The following SSBP2 variants were observed in gnomAD, a reference collection of about 807,000 sequenced individuals.
SSBP2 encodes single-stranded DNA-binding protein 2.
A neutral mutation model predicts 61.8 loss-of-function variants in SSBP2; 17 were observed. The ratio of observed to expected loss-of-function variants is 0.28; its 90% CI spans 0.19 to 0.41. The LOEUF is 0.41. Among genes scored for constraint, SSBP2 ranks in the 10% least tolerant of loss-of-function variants. The probability of loss-of-function intolerance (pLI) is 1.00; values close to 1 mark genes in which losing one functional copy is unlikely to be tolerated. For synonymous variants in SSBP2, 139 were observed against 141.3 expected (o/e 0.98, Z 0.12); for missense variants, 310 against 458.7 (o/e 0.68, Z 2.96).
chr5:81,534,042 T>C lies in SSBP2; in HGVS notation c.283-20325A>G, dbSNP rs777206908. On this transcript the variant is annotated intron_variant, in intron 4 of 16. Transcript: ENST00000320672. ...AAACTAACCGGAGCCTCACCTGCTA[T>C]GGTTTTATCAGAGCCTAACTGCCTA... Among the ~76,000 whole-genome samples, 188 of 152,236 alleles carry C rather than the reference T, an allele frequency of 1.2e-3. 2 individuals are homozygous for C. The highest frequency in any genetic ancestry group is 4.3e-4 in the Non-Finnish European group (29 of 67,992).
At chr5:81,583,985 T>C (rs182086249) in intron 4 of SSBP2, among the ~76,000 whole-genome samples, 9 of 152,372 alleles carry the variant, frequency 5.9e-5, no homozygotes, top group Non-Finnish European at 1.3e-4. Context: ...CAACAGTTTC[T>C]GTATTCAAAA....
intron 8 of SSBP2, among the ~76,000 whole-genome samples, chr5:81,467,368 T>C (rs145818801): frequency 1.3e-3 from 194 of 152,100 alleles, no homozygotes; most frequent in African/African-American, 4.4e-3. Flanking sequence ...ATGAAACATA[T>C]CATAAATCCA....
chr5:81,550,467 T>C (rs1315425922), intron 4 of SSBP2, among the ~76,000 whole-genome samples: 1 of 152,232 alleles, frequency 6.6e-6, no homozygotes, highest in Non-Finnish European at 1.5e-5. Flanking sequence ...AAAGTAATTT[T>C]ATTAATGAGA....
chr5:81,635,075 T>C (rs1170496494), intron 3 of SSBP2, among the ~76,000 whole-genome samples: 2 of 152,202 alleles, frequency 1.3e-5, no homozygotes, highest in Non-Finnish European at 2.9e-5. Flanking sequence ...GAGTAAGTAT[T>C]TGTTGAGAGA....
chr5:81,421,222 C>CA (rs1761585472), intron 16 of SSBP2, among the ~76,000 whole-genome samples: 1 of 152,182 alleles, frequency 6.6e-6, no homozygotes, highest in African/African-American at 2.4e-5. Context: ...AACAGGGTCT[C>CA]ACTCTGTCAC....
At chr5:81,557,876 G>C (rs1561537737) in intron 4 of SSBP2, among the ~76,000 whole-genome samples, 1 of 152,098 alleles carries the variant, frequency 6.6e-6, no homozygotes, top group Non-Finnish European at 1.5e-5. Context: ...GCAATGTCTG[G>C]TAATGTCTGA....
At chr5:81,440,716 A>C (rs1287995193) in intron 13 of SSBP2, 80 bp from the exon 14 acceptor site, 1 of 1,001,162 alleles carries the variant, frequency 1.0e-6, no homozygotes, top group Non-Finnish European at 1.5e-6. Flanking sequence ...ATTTAACATT[A>C]CAAGACACTG....
At chr5:81,432,401 T>C (rs1294367243) in intron 15 of SSBP2, among the ~76,000 whole-genome samples, 1 of 152,178 alleles carries the variant, frequency 6.6e-6, no homozygotes, top group Non-Finnish European at 1.5e-5. Flanking sequence ...GAAATATAAA[T>C]GTGAGATATG....
chr5:81,446,411 T>C (rs930900153), intron 12 of SSBP2, among the ~76,000 whole-genome samples: 1 of 150,798 alleles, frequency 6.6e-6, no homozygotes, highest in African/African-American at 2.5e-5. Context: ...TAATAAATAC[T>C]TATAGACATG....
chr5:81,428,300 A>C (rs1762078839), intron 16 of SSBP2, among the ~76,000 whole-genome samples: 1 of 152,188 alleles, frequency 6.6e-6, no homozygotes, highest in Non-Finnish European at 1.5e-5. Flanking sequence ...AAAACTTATA[A>C]AAAGTATCAA....
intron 5 of SSBP2, among the ~76,000 whole-genome samples, chr5:81,513,415 A>G (rs762387884): frequency 2.0e-5 from 3 of 152,226 alleles, no homozygotes; most frequent in Non-Finnish European, 4.4e-5. Flanking sequence ...ATTGAGCAAC[A>G]AAATGACTAA....
intron 6 of SSBP2, among the ~76,000 whole-genome samples, chr5:81,482,456 G>C (rs781213071): frequency 2.6e-5 from 4 of 152,152 alleles, no homozygotes; most frequent in African/African-American, 4.8e-5. Context: ...AATTATCTTA[G>C]CTAGATTTTC....
intron 9 of SSBP2, among the ~76,000 whole-genome samples, chr5:81,461,923 T>C (rs1764572650): frequency 6.6e-6 from 1 of 152,196 alleles, no homozygotes; most frequent in Non-Finnish European, 1.5e-5. Context: ...ATAAAGACTG[T>C]CTTATGAAAA....
rs374548287 is a variant in SSBP2 at position 81,589,016 on chromosome 5, G to A, written c.282+26457C>T. Among the ~76,000 whole-genome samples the A allele has an allele frequency of 2.6e-4, 40 of 152,302 alleles. No homozygotes were observed. In the East Asian group the frequency reaches 4.4e-3, roughly 17 times the overall value. On this transcript the variant is annotated intron_variant, in intron 4 of 16. Coordinates refer to ENST00000320672, the MANE Select transcript of SSBP2 (RefSeq NM_012446.5). Reference sequence around the variant, plus strand: ...GGAGGTAGAGGCTGCAGTGAGCTGTGACTGTGCCACTGCACTCAGTCTGGG... The same window carrying A: ...GGAGGTAGAGGCTGCAGTGAGCTGTAACTGTGCCACTGCACTCAGTCTGGG...
At chr5:81,461,009 T>A in intron 10 of SSBP2, 46 bp downstream of exon 10, 1 of 1,175,948 alleles carries the variant, frequency 8.5e-7, no homozygotes. Flanking sequence ...TTTTGTTAAA[T>A]GTTACAAAAT....
At chr5:81,546,644 A>T (rs557733031) in intron 4 of SSBP2, among the ~76,000 whole-genome samples, 1 of 152,114 alleles carries the variant, frequency 6.6e-6, no homozygotes, top group Non-Finnish European at 1.5e-5. Context: ...TAAAACTACT[A>T]GTCTGCTTAA....
chr5:81,739,021 C>T (rs539563728), intron 1 of SSBP2, among the ~76,000 whole-genome samples: 4 of 151,562 alleles, frequency 2.6e-5, no homozygotes, highest in South Asian at 4.2e-4. Flanking sequence ...AAAAATTAGC[C>T]GGGCATGGTG....
At chr5:81,497,374 T>C (rs1767368451) in intron 5 of SSBP2, among the ~76,000 whole-genome samples, 1 of 152,182 alleles carries the variant, frequency 6.6e-6, no homozygotes. Context: ...AGTAAATATT[T>C]GGTTGCTTCA....
chr5:81,468,797 A>C (rs143903831), intron 8 of SSBP2, among the ~76,000 whole-genome samples: 11 of 152,090 alleles, frequency 7.2e-5, no homozygotes, highest in African/African-American at 2.2e-4. Context: ...ACTTTAAGGA[A>C]ATCTCATTTA....
Sources: allele counts gnomAD v4.1 joint callset (sites outside exome capture counted in the v4.1 genomes callset), GRCh38; gene constraint gnomAD v4.1.1; transcripts MANE v1.5; gene names NCBI Gene and HGNC (gene_info 2026-07-23, HGNC 2026-07-21).